CDH13: variants seen among roughly 807,000 people sequenced by gnomAD.
The protein encoded by CDH13 is cadherin 13.
In CDH13, 24 loss-of-function variants were observed where a neutral mutation model predicts 63.8. The ratio of observed to expected loss-of-function variants is 0.38; its 90% CI spans 0.27 to 0.53. The LOEUF (loss-of-function observed/expected upper bound fraction) is 0.53. Ranked by LOEUF, CDH13 falls within the 20% of genes least tolerant of loss-of-function variation. The probability of loss-of-function intolerance (pLI) is 0.85; values close to 1 mark genes in which losing one functional copy is unlikely to be tolerated. For synonymous variants in CDH13, 503 were observed against 355.3 expected (o/e 1.42, Z -4.67); for missense variants, 1,049 against 903.1 (o/e 1.16, Z -2.07).
chr16:82,792,556 C>G (rs7193817), intron 1 of CDH13, among the ~76,000 whole-genome samples: 3,897 of 152,154 alleles, frequency 0.026, 179 homozygotes, highest in African/African-American at 0.09. Flanking sequence ...GGTTTAGTTG[C>G]CCCTCTAGAC....
intron 2 of CDH13, among the ~76,000 whole-genome samples, chr16:82,904,512 T>C (rs2041578819): frequency 6.6e-6 from 1 of 152,164 alleles, no homozygotes; most frequent in Non-Finnish European, 1.5e-5. Context: ...ACTATTAGGT[T>C]GGGGCGAAAG....
At chr16:82,653,273 A>G (rs1910938507) in intron 1 of CDH13, among the ~76,000 whole-genome samples, 2 of 152,204 alleles carry the variant, frequency 1.3e-5, no homozygotes, top group Non-Finnish European at 2.9e-5. Context: ...CAACTCATGG[A>G]AAACATTGAG....
chr16:83,439,499 G>C lies in CDH13; in HGVS notation c.782-46978G>C, dbSNP rs553174908. On this transcript the variant is annotated intron_variant, in intron 6 of 13. Transcript: ENST00000567109. Reference sequence around the variant, plus strand: ...AAAACTGAACCATTTCTCTGAATTGGTTGCTATTCGGAAGCATGGGTAGTT... The same window carrying C: ...AAAACTGAACCATTTCTCTGAATTGCTTGCTATTCGGAAGCATGGGTAGTT... 2.6e-5 allele frequency among the ~76,000 whole-genome samples: 4 copies of C among 152,300 alleles called. No homozygotes were observed. The East Asian group carries it at 7.7e-4, about 29-fold the overall frequency.
intron 7 of CDH13, among the ~76,000 whole-genome samples, chr16:83,496,836 A>G (rs1009784706): frequency 4.6e-5 from 7 of 152,230 alleles, no homozygotes; most frequent in African/African-American, 1.7e-4. Context: ...CAACCCCATC[A>G]AAAAGTGGGC....
chr16:83,406,852 A>G (rs1374490521), intron 6 of CDH13, among the ~76,000 whole-genome samples: 2 of 152,218 alleles, frequency 1.3e-5, no homozygotes, highest in African/African-American at 4.8e-5. Flanking sequence ...AGATAGCAGA[A>G]TCTACCTCAA....
At chr16:82,883,077 T>C (rs2059230) in intron 2 of CDH13, among the ~76,000 whole-genome samples, 114,332 of 152,060 alleles carry the variant, frequency 0.75, 43,218 homozygotes, top group East Asian at 0.89. Flanking sequence ...CAGGATTTTA[T>C]AGAATGCCAT....
At chr16:83,106,910 A>G (rs1448780987) in intron 3 of CDH13, among the ~76,000 whole-genome samples, 2 of 151,890 alleles carry the variant, frequency 1.3e-5, no homozygotes, top group Non-Finnish European at 2.9e-5. Flanking sequence ...TTTTTTTAAA[A>G]AAGTATAATC....
At chr16:83,335,374 C>T (rs576900072) in intron 5 of CDH13, among the ~76,000 whole-genome samples, 87 of 135,562 alleles carry the variant, frequency 6.4e-4, no homozygotes, top group Non-Finnish European at 1.1e-3. Context: ...ATGTGCATTT[C>T]AAGGTTTTGT....
chr16:82,896,276 A>ATTTTTTTTTTTTTTTTTTTTT lies in CDH13; in HGVS notation c.157+37816_157+37836dup, dbSNP rs59677448. 2.6e-4 allele frequency among the ~76,000 whole-genome samples: 23 copies of ATTTTTTTTTTTTTTTTTTTTT among 87,856 alleles called. 4 individuals carry two copies. Among genetic ancestry groups the ATTTTTTTTTTTTTTTTTTTTT allele is most frequent in the East Asian group, 7.0e-4 (1 of 1,432 alleles). 57.6% of individuals were successfully genotyped at this position (87,856 alleles called of 152,430 possible). A position where few individuals can be genotyped will look rare whatever the true frequency, so the allele number is the denominator to read the frequency against. On this transcript the variant is annotated intron_variant, in intron 2 of 13. Transcript: ENST00000567109. Reference sequence around the variant, plus strand: ...GAGTCTTCTGAGAACTAGGATTAGGATTTTTTTTTTTTTTTTTTTTTTTTT... The same window carrying ATTTTTTTTTTTTTTTTTTTTT: ...GAGTCTTCTGAGAACTAGGATTAGGATTTTTTTTTTTTTTTTTTTTTTTTTTTTTTTTTTTTTTTTTTTTTT...
intron 6 of CDH13, among the ~76,000 whole-genome samples, chr16:83,379,946 G>T (rs1234375266): frequency 1.4e-3 from 183 of 132,604 alleles, no homozygotes; most frequent in East Asian, 7.7e-3. Context: ...TATAGAGAGA[G>T]AGAGAGAGAG....
At chr16:83,560,642 C>A (rs947700462) in intron 7 of CDH13, among the ~76,000 whole-genome samples, 1 of 152,152 alleles carries the variant, frequency 6.6e-6, no homozygotes, top group Non-Finnish European at 1.5e-5. Flanking sequence ...GATGAGAAAA[C>A]AAAAATGGTC....
intron 3 of CDH13, among the ~76,000 whole-genome samples, chr16:83,057,408 G>T (rs1302843306): frequency 3.9e-5 from 6 of 152,112 alleles, no homozygotes. Flanking sequence ...GGTGACATAG[G>T]TGTGTTCACT....
intron 1 of CDH13, among the ~76,000 whole-genome samples, chr16:82,634,109 C>A (rs758566748): frequency 6.6e-6 from 1 of 152,238 alleles, no homozygotes; most frequent in Non-Finnish European, 1.5e-5. Context: ...CCTAGCTGAA[C>A]GCAGCCCGGG....
chr16:82,857,922 C>A (rs2039770915), intron 1 of CDH13, among the ~76,000 whole-genome samples: 1 of 152,156 alleles, frequency 6.6e-6, no homozygotes, highest in African/African-American at 2.4e-5. Flanking sequence ...CTTAACAGGT[C>A]CTGGATTCCT....
chr16:82,728,984 A>G (rs1054476683), intron 1 of CDH13, among the ~76,000 whole-genome samples: 2 of 152,178 alleles, frequency 1.3e-5, no homozygotes, highest in African/African-American at 4.8e-5. Flanking sequence ...TGGCTCATCT[A>G]TAAGAAGCAA....
intron 7 of CDH13, among the ~76,000 whole-genome samples, chr16:83,528,966 A>G (rs986769386): frequency 6.6e-6 from 1 of 152,208 alleles, no homozygotes; most frequent in Non-Finnish European, 1.5e-5. Flanking sequence ...GGGTAGTTAT[A>G]TATAAATTGC....
At chr16:83,117,598 C>G (rs1411355522) in intron 3 of CDH13, among the ~76,000 whole-genome samples, 2 of 152,062 alleles carry the variant, frequency 1.3e-5, no homozygotes, top group Admixed American at 6.6e-5. Context: ...AGGCACTGCA[C>G]CATCCGAGAT....
intron 10 of CDH13, among the ~76,000 whole-genome samples, chr16:83,718,593 TGGAACCATCGA>T (rs995736704): frequency 5.9e-5 from 9 of 152,234 alleles, no homozygotes; most frequent in African/African-American, 1.7e-4. Context: ...TGGGTGTTCC[TGGAACCATCGA>T]GGTGCCGGTG....
At chr16:82,878,439 T>G (rs546910279) in intron 2 of CDH13, among the ~76,000 whole-genome samples, 21 of 149,432 alleles carry the variant, frequency 1.4e-4, no homozygotes, top group Non-Finnish European at 3.0e-4. Flanking sequence ...TGGGAAAATT[T>G]GAAGAGAAAG....
Sources: allele counts gnomAD v4.1 joint callset (sites outside exome capture counted in the v4.1 genomes callset), GRCh38; gene constraint gnomAD v4.1.1; transcripts MANE v1.5; gene names NCBI Gene and HGNC (gene_info 2026-07-23, HGNC 2026-07-21).